The following CUZD1 variants were observed in gnomAD, a reference collection of about 807,000 sequenced individuals.
CUZD1 encodes the protein CUB and zona pellucida-like domain-containing protein 1.
CUZD1 carries 42 observed loss-of-function variants against 53.1 expected under a neutral mutation model. The observed-to-expected ratio is 0.79, with a 90% CI of 0.62 to 1.02. The LOEUF (loss-of-function observed/expected upper bound fraction) is 1.02. CUZD1 is among the 50% of genes least tolerant of loss of function. CUZD1 has a pLI of 0.00. For missense variants in CUZD1, 670 were observed against 715.7 expected (o/e 0.94, Z 0.73); for synonymous variants, 238 against 257.2 (o/e 0.93, Z 0.71).
Position 122,841,343 on chromosome 10 carries a change from A to C in CUZD1, c.83-15T>G. On this transcript the variant is annotated splice_polypyrimidine_tract_variant and intron_variant, in intron 1 of 8. Coordinates refer to ENST00000392790, the MANE Select transcript of CUZD1 (RefSeq NM_022034.6). The stretch of plus-strand genomic sequence containing the variant: ...GCTTGCATTGCCTGTTAGAGATCAC[A>C]GATGGCACTCAGGAAAGTCAACAGG... 6.3e-7 allele frequency: 1 copy of C among 1,580,130 alleles called. No individual in the cohort carries two copies. Among genetic ancestry groups the C allele is most frequent in the Non-Finnish European group, 8.6e-7 (1 of 1,163,988 alleles).
intron 1 of CUZD1, among the ~76,000 whole-genome samples, chr10:122,845,347 T>C (rs1847419673): frequency 6.6e-6 from 1 of 152,184 alleles, no homozygotes; most frequent in South Asian, 2.1e-4. Flanking sequence ...AGTGCTGGGA[T>C]TACAGGCGTG....
chr10:122,833,571 T>C (rs1353990913), intron 8 of CUZD1, 101 bp downstream of exon 8: 1 of 1,256,894 alleles, frequency 8.0e-7, no homozygotes, highest in Non-Finnish European at 1.1e-6. Flanking sequence ...AAAGCTACTA[T>C]TATAAATCTC....
At chr10:122,833,472 T>C (rs1005182377) in intron 8 of CUZD1, among the ~76,000 whole-genome samples, 200 bp downstream of exon 8, 1 of 152,208 alleles carries the variant, frequency 6.6e-6, no homozygotes, top group Non-Finnish European at 1.5e-5. Flanking sequence ...TATCAGTGTA[T>C]CATCTGCTTA....
chr10:122,843,216 T>G (rs544970610), intron 1 of CUZD1, among the ~76,000 whole-genome samples: 63 of 152,314 alleles, frequency 4.1e-4, no homozygotes, highest in African/African-American at 1.3e-3. Context: ...GATGAATAAA[T>G]AAAACATGGT....
rs1306698429 is a variant in CUZD1, at chr10:122,837,450, G to A, written c.553C>T (p.Gln185Ter). 6.2e-7 allele frequency: 1 copy of A among 1,614,014 alleles called. No individual in the cohort carries two copies. Among genetic ancestry groups the A allele is most frequent in the Admixed American group, 1.7e-5 (1 of 60,000 alleles). Residue 185 changes from glutamine (Q) to a stop codon, truncating the protein, a stop_gained, in exon 4 of 9, where the codon CAA (glutamine) becomes TAA (stop). Transcript: ENST00000392790. LOFTEE classifies it high-confidence loss of function. Reference protein sequence around the residue: ...PELAYCVWHIQVEKDYKIKLN... With the variant: ...PELAYCVWHI ...TTTATCTTGTAATCTTTCTCCACTT[G>A]TATGTGCCACACACAATAAGCCAGC...
At position 122,834,706 on chromosome 10, in the gene CUZD1, C is replaced by A; in HGVS notation, c.1382G>T (p.Gly461Val). 1 of 1,585,386 alleles carries A rather than the reference C, an allele frequency of 6.3e-7. No individual in the cohort carries two copies. The highest frequency in any genetic ancestry group is 1.2e-5 in the South Asian group (1 of 86,058). The stretch of plus-strand genomic sequence containing the variant: ...ATACATCAGTTACATTAATACATAC[C>A]CACTCTTGATTAGGTCGTAGGTTGG... ...ASPTYDLIKSGCSRDETCKVY... is the reference protein window; with the variant it reads ...ASPTYDLIKSVCSRDETCKVY... The change falls in exon 7 of 9, where the codon GGA (glycine) becomes GTA (valine). Residue 461 changes from glycine (G) to valine (V), a missense_variant and splice_region_variant. Coordinates refer to ENST00000392790, the MANE Select transcript of CUZD1 (RefSeq NM_022034.6).
chr10:122,837,826 C>T lies in CUZD1; in HGVS notation c.449-272G>A, dbSNP rs75496566. ...TTGCATCTGGAGAGACTCCCATTAC[C>T]TGAATTGCGCCATAGAAAATAAAGT... is the stretch of plus-strand genomic sequence containing the variant. On this transcript the variant is annotated intron_variant, in intron 3 of 8. Coordinates refer to ENST00000392790, the MANE Select transcript of CUZD1 (RefSeq NM_022034.6). The T allele has an allele frequency of 9.3e-5, 28 of 301,360 alleles. 1 individual carries two copies. In the East Asian group the frequency reaches 1.6e-3, roughly 18 times the overall value. 18.7% of individuals were successfully genotyped at this position (301,360 alleles called of 1,614,324 possible).
Position 122,837,430 on chromosome 10 carries a change from C to T in CUZD1, c.573G>A (p.Lys191=), listed in dbSNP as rs1389978380. Residue 191 remains lysine, a synonymous_variant, in exon 4 of 9, where the codon AAG becomes AAA. Coordinates refer to ENST00000392790, the MANE Select transcript of CUZD1 (RefSeq NM_022034.6). Reference sequence around the variant, plus strand: ...AAATCTCTTTGAAGTTTAGTTTTATCTTGTAATCTTTCTCCACTTGTATGT... The same window carrying T: ...AAATCTCTTTGAAGTTTAGTTTTATTTTGTAATCTTTCTCCACTTGTATGT... ...VWHIQVEKDY[K]IKLNFKEIFL... 3 of 1,614,064 alleles carry T rather than the reference C, an allele frequency of 1.9e-6. No individual in the cohort carries two copies. Among genetic ancestry groups the T allele is most frequent in the East Asian group, 4.5e-5 (2 of 44,880 alleles).
Position 122,832,190 on chromosome 10 carries a change from T to A in CUZD1, c.*88A>T. 7.4e-7 allele frequency: 1 copy of A among 1,358,408 alleles called. No individual in the cohort carries two copies. The allele number at this position is 1,358,408 out of a possible 1,614,324, so 84.1% of individuals were successfully genotyped here. A position where few individuals can be genotyped will look rare whatever the true frequency, so the allele number is the denominator to read the frequency against. ...CTGTGTGTCACTTTCAGGCCCTTCCTCATTTATTCATAATATGTGTAGCCA... is the reference window on the plus strand; with the variant it reads ...CTGTGTGTCACTTTCAGGCCCTTCCACATTTATTCATAATATGTGTAGCCA... On this transcript the variant is annotated 3_prime_UTR_variant, in exon 9 of 9. Transcript: ENST00000392790.
chr10:122,836,292 C>T lies in CUZD1; in HGVS notation c.876G>A (p.Glu292=), dbSNP rs370893253. The change falls in exon 6 of 9, where the codon GAG becomes GAA. Residue 292 remains glutamate, a synonymous_variant. Coordinates refer to ENST00000392790, the MANE Select transcript of CUZD1 (RefSeq NM_022034.6). ...MRVIISKSYL[E]AFNSNGNNLQ... The stretch of plus-strand genomic sequence containing the variant: ...AGTTATTCCCATTAGAGTTAAAAGC[C>T]TCTAGGTAGGATTTGCTTATAATAA... The T allele has an allele frequency of 1.3e-4, 214 of 1,609,794 alleles. 2 individuals are homozygous for T. In the South Asian group the frequency reaches 2.2e-3, roughly 16 times the overall value.
intron 5 of CUZD1, 141 bp downstream of exon 5, chr10:122,836,690 C>T (rs1003814082): frequency 4.6e-6 from 3 of 656,174 alleles, no homozygotes; most frequent in Non-Finnish European, 7.9e-6. Context: ...GATTGTCAAG[C>T]TTAAGATTAT....
rs774718187 is a variant in CUZD1 at position 122,839,141 on chromosome 10, A to C, written c.324T>G (p.Ser108Arg). Reference protein sequence around the residue: ...SNGPLLGQVCSKNDYVPVFES... With the variant: ...SNGPLLGQVCRKNDYVPVFES... ...CAAATACAGGAACATAGTCGTTTTT[A>C]CTGCAGACTTGCCCTAGCAGAGGCC... Residue 108 changes from serine (S) to arginine (R), a missense_variant, in exon 3 of 9, where the codon AGT (serine) becomes AGG (arginine). Ser to Arg is a moderately radical substitution (Grantham distance 110). Transcript: ENST00000392790. The C allele has an allele frequency of 1.9e-6, 3 of 1,613,902 alleles. No homozygotes were observed. The highest frequency in any genetic ancestry group is 1.7e-6 in the Non-Finnish European group (2 of 1,179,812).
chr10:122,837,423 GT>G lies in CUZD1; in HGVS notation c.579del (p.Lys193AsnfsTer2). The G allele has an allele frequency of 6.2e-7, 1 of 1,614,024 alleles. No individual in the cohort carries two copies. Among genetic ancestry groups the G allele is most frequent in the Non-Finnish European group, 8.5e-7 (1 of 1,179,950 alleles). On this transcript the variant is annotated frameshift_variant, in exon 4 of 9. Coordinates refer to ENST00000392790, the MANE Select transcript of CUZD1 (RefSeq NM_022034.6). LOFTEE classifies it high-confidence loss of function. ...HIQVEKDYKI[K>X]LNFKEIFLEI... is the part of the protein sequence containing the mutation. ...ACTTACAAAATCTCTTTGAAGTTTA[GT>G]TTTATCTTGTAATCTTTCTCCACTT...
Position 122,836,994 on chromosome 10 carries a change from G to C in CUZD1, c.654C>G (p.Pro218=), listed in dbSNP as rs148175429. ...KFDFLAIYDG[P]STNSGLIGQV... is the part of the protein sequence containing the mutation. ...GTCCAATCAGGCCAGAGTTGGTGGA[G>C]GGGCCATCATAGATGGCAAGAAAAT... Residue 218 remains proline (P), a synonymous_variant, in exon 5 of 9, where the codon CCC becomes CCG. Coordinates refer to ENST00000392790, the MANE Select transcript of CUZD1 (RefSeq NM_022034.6). 23 of 1,614,104 alleles carry C rather than the reference G, an allele frequency of 1.4e-5. No homozygotes were observed. In the African/African-American group the frequency reaches 2.1e-4, roughly 15 times the overall value.
intron 8 of CUZD1, among the ~76,000 whole-genome samples, chr10:122,832,930 T>G (rs1847182052): frequency 6.6e-6 from 1 of 152,230 alleles, no homozygotes; most frequent in Non-Finnish European, 1.5e-5. Context: ...AAGCCACTAG[T>G]GAATGCGTTT....
In CUZD1 at chr10:122,844,144, T is replaced by C. The variant is rs987467300; in HGVS notation, c.82+1618A>G. Among the ~76,000 whole-genome samples the C allele has an allele frequency of 9.2e-5, 14 of 151,814 alleles. No homozygotes were observed. In the South Asian group the frequency reaches 1.0e-3, roughly 11 times the overall value. Reference sequence around the variant, plus strand: ...ACTGGGCTCAAGTGATCCTCCCACCTCAGCCGCCAGAGTAGCTGGGACTAC... The same window carrying C: ...ACTGGGCTCAAGTGATCCTCCCACCCCAGCCGCCAGAGTAGCTGGGACTAC... On this transcript the variant is annotated intron_variant, in intron 1 of 8. Transcript: ENST00000392790.
At chr10:122,841,068 C>T (rs1847333488) in intron 2 of CUZD1, 110 bp downstream of exon 2, 3 of 1,016,626 alleles carry the variant, frequency 3.0e-6, no homozygotes, top group East Asian at 4.9e-5. Context: ...TTGTCAGTGT[C>T]ACTACCACCT....
intron 7 of CUZD1, 51 bp downstream of exon 7, chr10:122,834,655 T>C: frequency 7.1e-7 from 1 of 1,408,828 alleles, no homozygotes; most frequent in Non-Finnish European, 9.5e-7. Context: ...ATTGAAATTA[T>C]TATTCCACAG....
Position 122,833,886 on chromosome 10 carries a change from T to C in CUZD1, c.1437A>G (p.Arg479=). 6.2e-7 allele frequency: 1 copy of C among 1,613,868 alleles called. No individual in the cohort carries two copies. Among genetic ancestry groups the C allele is most frequent in the Non-Finnish European group, 8.5e-7 (1 of 1,179,808 alleles). ...KVYPLFGHYG[R]FQFNAFKFLR... is the part of the protein sequence containing the mutation. ...AGAATTTAAAGGCATTAAACTGGAA[T>C]CTCCCATAGTGTCCAAATAAGGGAT... The change falls in exon 8 of 9, where the codon AGA becomes AGG. Residue 479 remains arginine, a synonymous_variant. Coordinates refer to ENST00000392790, the MANE Select transcript of CUZD1 (RefSeq NM_022034.6).
Sources: gnomAD v4.1 joint callset for allele counts (sites outside exome capture counted in the v4.1 genomes callset) on GRCh38, gnomAD v4.1.1 for gene constraint, MANE v1.5 for transcripts, NCBI Gene and HGNC (gene_info 2026-07-23, HGNC 2026-07-21) for gene names.